Variants in SLC26A7 observed in about 807,000 individuals in gnomAD.
SLC26A7 encodes anion exchange transporter.
In SLC26A7, 59 loss-of-function variants were observed where a neutral mutation model predicts 82.5. The observed-to-expected ratio is 0.72, with a 90% CI of 0.58 to 0.89. The LOEUF (loss-of-function observed/expected upper bound fraction) is 0.89. Among genes scored for constraint, SLC26A7 ranks in the 40% least tolerant of loss-of-function variants. The pLI is 0.00. For missense variants in SLC26A7, 820 were observed against 793.0 expected (o/e 1.03, Z -0.41); for synonymous variants, 271 against 274.3 (o/e 0.99, Z 0.12).
At chr8:91,310,423 A>T (rs1812448657) in intron 4 of SLC26A7, among the ~76,000 whole-genome samples, 1 of 152,110 alleles carries the variant, frequency 6.6e-6, no homozygotes, top group Non-Finnish European at 1.5e-5. Context: ...ACTGATGGGC[A>T]GTTTATGGGT....
chr8:91,285,212 G>A (rs954490885), intron 2 of SLC26A7, among the ~76,000 whole-genome samples: 7 of 152,174 alleles, frequency 4.6e-5, no homozygotes, highest in Non-Finnish European at 1.0e-4. Flanking sequence ...TCATTTTCAC[G>A]TGGCATTCAC....
At chr8:91,281,367 A>G (rs1282287279) in intron 2 of SLC26A7, among the ~76,000 whole-genome samples, 1 of 152,172 alleles carries the variant, frequency 6.6e-6, no homozygotes, top group Non-Finnish European at 1.5e-5. Flanking sequence ...AATTGTGCAG[A>G]AGTGTGTCTA....
At chr8:91,356,414 C>T (rs1348611045) in intron 11 of SLC26A7, among the ~76,000 whole-genome samples, 19 of 151,874 alleles carry the variant, frequency 1.3e-4, no homozygotes, top group Admixed American at 2.0e-4. Flanking sequence ...TTTTAATGAT[C>T]GCCATTCTAA....
chr8:91,291,339 G>C (rs964736187), intron 3 of SLC26A7, among the ~76,000 whole-genome samples: 16 of 152,094 alleles, frequency 1.1e-4, no homozygotes, highest in African/African-American at 3.1e-4. Flanking sequence ...ACAACTCACT[G>C]TTCAAGAATA....
At chr8:91,343,159 G>A in intron 8 of SLC26A7, 194 bp from the exon 9 acceptor site, 1 of 534,218 alleles carries the variant, frequency 1.9e-6, no homozygotes, top group Non-Finnish European at 3.4e-6. Flanking sequence ...TGAGTAAAGT[G>A]CTTGAGAACA....
chr8:91,233,772 T>C (rs910043505), intron 2 of SLC26A7, among the ~76,000 whole-genome samples: 2 of 152,178 alleles, frequency 1.3e-5, no homozygotes, highest in Non-Finnish European at 2.9e-5. Context: ...AGTTCACCTA[T>C]GCTTTGGTCA....
chr8:91,395,625 T>C lies in SLC26A7; in HGVS notation c.*528T>C, dbSNP rs1808547614. ...AGTAAGATGTGAAATTCACAAAAAG[T>C]AAACCAAACAAAACGAATGAAAAAC... On this transcript the variant is annotated 3_prime_UTR_variant, in exon 19 of 19. Transcript: ENST00000276609. 1 of 152,196 alleles carries C rather than the reference T, an allele frequency of 6.6e-6. No individual in the cohort carries two copies. Among genetic ancestry groups the C allele is most frequent in the African/African-American group, 2.4e-5 (1 of 41,456 alleles). 9.4% of individuals were successfully genotyped at this position (152,196 alleles called of 1,614,324 possible). A position where few individuals can be genotyped will look rare whatever the true frequency, so the allele number is the denominator to read the frequency against.
At chr8:91,307,353 T>A (rs1586389141) in intron 4 of SLC26A7, among the ~76,000 whole-genome samples, 2 of 135,324 alleles carry the variant, frequency 1.5e-5, no homozygotes. Flanking sequence ...TGCACACGTA[T>A]GTTTATTGTG....
chr8:91,260,884 A>G (rs1810944426), intron 2 of SLC26A7, among the ~76,000 whole-genome samples: 1 of 152,100 alleles, frequency 6.6e-6, no homozygotes, highest in East Asian at 1.9e-4. Flanking sequence ...CTGTGGACCA[A>G]AAGAATGTGT....
intron 4 of SLC26A7, among the ~76,000 whole-genome samples, chr8:91,316,061 C>G (rs750075653): frequency 6.6e-6 from 1 of 152,288 alleles, no homozygotes; most frequent in East Asian, 1.9e-4. Flanking sequence ...TGAAAATCCA[C>G]TGTAATTCAG....
At chr8:91,335,084 T>A (rs566301844) in intron 6 of SLC26A7, among the ~76,000 whole-genome samples, 37 of 152,282 alleles carry the variant, frequency 2.4e-4, no homozygotes, top group African/African-American at 8.7e-4. Context: ...AGCATTAAGT[T>A]GAAAATAAAA....
At chr8:91,269,974 C>G (rs1811224707) in intron 2 of SLC26A7, among the ~76,000 whole-genome samples, 1 of 151,754 alleles carries the variant, frequency 6.6e-6, no homozygotes, top group African/African-American at 2.4e-5. Flanking sequence ...TCATTTTCTT[C>G]CTGGATTGTT....
chr8:91,379,146 A>AT (rs1400949551), intron 15 of SLC26A7, among the ~76,000 whole-genome samples: 2 of 152,114 alleles, frequency 1.3e-5, no homozygotes, highest in Non-Finnish European at 2.9e-5. Context: ...ATTATGAGAC[A>AT]TTAAAAATAC....
chr8:91,236,179 A>G (rs1360370968), intron 2 of SLC26A7, among the ~76,000 whole-genome samples: 15 of 152,158 alleles, frequency 9.9e-5, no homozygotes, highest in Admixed American at 9.2e-4. Context: ...AAAAGCATAG[A>G]TATTCTTAAC....
At chr8:91,278,230 G>GA (rs112706476) in intron 2 of SLC26A7, among the ~76,000 whole-genome samples, 16,578 of 147,306 alleles carry the variant, frequency 0.11, 1,069 homozygotes, top group Middle Eastern at 0.21. Flanking sequence ...CACGGCTCCA[G>GA]AAAAAAAAAA....
intron 6 of SLC26A7, 66 bp downstream of exon 6, chr8:91,334,513 A>G: frequency 4.9e-6 from 7 of 1,437,140 alleles, no homozygotes; most frequent in Non-Finnish European, 6.6e-6. Context: ...GGAGATCTGC[A>G]GATGCTTACT....
At chr8:91,315,753 T>C (rs959414034) in intron 4 of SLC26A7, among the ~76,000 whole-genome samples, 1 of 152,188 alleles carries the variant, frequency 6.6e-6, no homozygotes, top group African/African-American at 2.4e-5. Flanking sequence ...AAATGTAGTG[T>C]GGCCCTTCCT....
At chr8:91,223,102 A>G (rs1586302585) in intron 2 of SLC26A7, among the ~76,000 whole-genome samples, 2 of 151,772 alleles carry the variant, frequency 1.3e-5, no homozygotes, top group South Asian at 4.2e-4. Context: ...TTTCTTCTAG[A>G]TTTTCTAGTT....
chr8:91,347,749 C>T (rs1813603869), intron 9 of SLC26A7, among the ~76,000 whole-genome samples: 1 of 152,164 alleles, frequency 6.6e-6, no homozygotes, highest in African/African-American at 2.4e-5. Context: ...TCATCAGACT[C>T]ATTTCTATCT....
Sources: gnomAD v4.1 joint callset for allele counts (sites outside exome capture counted in the v4.1 genomes callset) on GRCh38, gnomAD v4.1.1 for gene constraint, MANE v1.5 for transcripts, NCBI Gene and HGNC (gene_info 2026-07-23, HGNC 2026-07-21) for gene names.